Variants in NOC3L observed in about 807,000 individuals in gnomAD.
The protein encoded by NOC3L is nucleolar complex protein 3 homolog.
A neutral mutation model predicts 102.5 loss-of-function variants in NOC3L; 85 were observed. The observed-to-expected ratio is 0.83, with a 90% CI of 0.70 to 0.99. The LOEUF is 0.99. Among genes scored for constraint, NOC3L ranks in the 50% least tolerant of loss-of-function variants. The pLI is 0.00. For synonymous variants in NOC3L, 303 were observed against 309.4 expected, an observed-to-expected ratio of 0.98 and a Z score of 0.22; for missense variants, 878 against 914.9, an observed-to-expected ratio of 0.96 and a Z score of 0.52.
At chr10:94,321,882 T>C in the NOC3L span, 2 of 1,593,692 alleles carry the variant, frequency 1.3e-6, no homozygotes, top group Non-Finnish European at 1.7e-6. Context: ...TTACTCACAT[T>C]TTTTCTTTTT....
intron 13 of NOC3L, among the ~76,000 whole-genome samples, chr10:94,343,484 T>A (rs559929983): frequency 6.6e-6 from 1 of 152,370 alleles, no homozygotes; most frequent in South Asian, 2.1e-4. Context: ...TATCACCATA[T>A]AAGGAAATGC....
At chr10:94,344,573 T>A in intron 12 of NOC3L, 58 bp from the exon 13 acceptor site, 6 of 1,172,884 alleles carry the variant, frequency 5.1e-6, no homozygotes, top group South Asian at 1.3e-5. Flanking sequence ...TTCTCCTGAG[T>A]GAGCATAAGT....
At chr10:94,348,230 A>T (rs1381932411) in intron 10 of NOC3L, among the ~76,000 whole-genome samples, 1 of 150,914 alleles carries the variant, frequency 6.6e-6, no homozygotes, top group Non-Finnish European at 1.5e-5. Context: ...AAAGATGTCA[A>T]ATGGTTTAAA....
intron 4 of NOC3L, 120 bp downstream of exon 4, chr10:94,357,054 A>T: frequency 1.4e-6 from 1 of 719,766 alleles, no homozygotes; most frequent in Non-Finnish European, 2.2e-6. Context: ...CTATAAGACT[A>T]ATTGAATATT....
the NOC3L span, chr10:94,322,086 A>G: frequency 6.2e-7 from 1 of 1,606,478 alleles, no homozygotes; most frequent in Non-Finnish European, 8.5e-7. Context: ...TCCTCACCTG[A>G]GTCCTTTCCT....
At chr10:94,359,069 T>C (rs1170850004) in intron 2 of NOC3L, among the ~76,000 whole-genome samples, 1 of 152,026 alleles carries the variant, frequency 6.6e-6, no homozygotes, top group Non-Finnish European at 1.5e-5. Flanking sequence ...GATTCAACTA[T>C]GAATAAAACA....
chr10:94,342,946 G>C (rs1194002577), intron 13 of NOC3L, among the ~76,000 whole-genome samples: 3 of 152,026 alleles, frequency 2.0e-5, no homozygotes, highest in Non-Finnish European at 4.4e-5. Context: ...TTAGCCAGGT[G>C]TGATGGCACA....
chr10:94,339,232 C>G (rs547102695), intron 17 of NOC3L, among the ~76,000 whole-genome samples: 2 of 152,224 alleles, frequency 1.3e-5, no homozygotes, highest in Middle Eastern at 3.4e-3. Flanking sequence ...ACAATAGGAA[C>G]AAGAATAGTA....
chr10:94,353,080 A>C, intron 6 of NOC3L, 23 bp from the exon 7 acceptor site: 1 of 1,569,712 alleles, frequency 6.4e-7, no homozygotes, highest in Non-Finnish European at 8.6e-7. Flanking sequence ...TAGCTTATAA[A>C]GCTGGAGAAA....
chr10:94,339,402 A>T (rs1206525502), intron 17 of NOC3L, among the ~76,000 whole-genome samples: 1 of 152,220 alleles, frequency 6.6e-6, no homozygotes, highest in African/African-American at 2.4e-5. Flanking sequence ...TGCTAAGGTT[A>T]AAAAAGTGGT....
chr10:94,329,794 A>AAAC (rs1564905158), downstream of NOC3L: 1 of 150,008 alleles, frequency 6.7e-6, no homozygotes, highest in Non-Finnish European at 1.5e-5. Context: ...AAAAAAAAAA[A>AAAC]AAAAAAAAAA....
downstream of NOC3L, chr10:94,329,408 T>C (rs971208390): frequency 1.3e-5 from 2 of 152,138 alleles, no homozygotes; most frequent in Non-Finnish European, 2.9e-5. Flanking sequence ...AAACTTCACT[T>C]TGAGAAACTT....
chr10:94,337,357 C>CA (rs71031571), intron 19 of NOC3L, among the ~76,000 whole-genome samples: 293 of 131,558 alleles, frequency 2.2e-3, no homozygotes, highest in Middle Eastern at 7.7e-3. Context: ...CAGGGCCATT[C>CA]AAAAAAAAAA....
chr10:94,348,450 G>A (rs1032416856), intron 10 of NOC3L, among the ~76,000 whole-genome samples: 1 of 151,812 alleles, frequency 6.6e-6, no homozygotes, highest in Admixed American at 6.5e-5. Context: ...AGATAGTTTC[G>A]TTTCTTTTGT....
At position 94,340,509 on chromosome 10, in the gene NOC3L, AAG is replaced by A. The variant is rs1491365695; in HGVS notation, c.1645-15_1645-14del. 454 of 970,018 alleles carry A rather than the reference AAG, an allele frequency of 4.7e-4. 6 individuals are homozygous for A. The highest frequency in any genetic ancestry group is 6.2e-4 in the Non-Finnish European group (405 of 649,018). The allele number at this position is 970,018 out of a possible 1,614,324, so 60.1% of individuals were successfully genotyped here. A position where few individuals can be genotyped will look rare whatever the true frequency, so the allele number is the denominator to read the frequency against. On this transcript the variant is annotated splice_polypyrimidine_tract_variant and intron_variant, in intron 14 of 20. Transcript: ENST00000371361. ...GATAGCTTAGGTCCTTTAAAAAAAA[AAG>A]GGGGGGGTGAGGGGGATGGAATATT... is the stretch of plus-strand genomic sequence containing the variant.
intron 7 of NOC3L, 28 bp from the exon 8 acceptor site, chr10:94,352,431 T>C (rs1395048332): frequency 6.7e-7 from 1 of 1,494,134 alleles, no homozygotes. Flanking sequence ...GTCAATCATT[T>C]TTTAAAATCA....
chr10:94,336,430 C>A (rs1276594400), intron 19 of NOC3L, among the ~76,000 whole-genome samples: 1 of 151,882 alleles, frequency 6.6e-6, no homozygotes, highest in Non-Finnish European at 1.5e-5. Context: ...TCACTGCAAT[C>A]TCCGCCTCCC....
the NOC3L span, among the ~76,000 whole-genome samples, chr10:94,322,871 G>A: frequency 2.6e-5 from 4 of 152,150 alleles, no homozygotes; most frequent in East Asian, 1.9e-4. Context: ...TAGGAGGATC[G>A]CTTGAGCCTG....
the NOC3L span, among the ~76,000 whole-genome samples, chr10:94,318,922 C>T: frequency 5.3e-5 from 8 of 152,158 alleles, no homozygotes; most frequent in Non-Finnish European, 7.3e-5. Flanking sequence ...GTAGCAGGCA[C>T]CTGTAGTCCC....
Sources: allele counts gnomAD v4.1 joint callset (sites outside exome capture counted in the v4.1 genomes callset), GRCh38; gene constraint gnomAD v4.1.1; transcripts MANE v1.5; gene names NCBI Gene and HGNC (gene_info 2026-07-23, HGNC 2026-07-21).